Variants in MAST4 observed in about 807,000 individuals in gnomAD.
MAST4 encodes microtubule-associated serine/threonine-protein kinase 4.
Under a neutral mutation model 162.7 loss-of-function variants are expected in MAST4, and 89 were observed. That is an observed-to-expected ratio of 0.55 (90% CI 0.46 to 0.65). MAST4 has a LOEUF of 0.65. Among genes scored for constraint, MAST4 ranks in the 30% least tolerant of loss-of-function variants. The probability of loss-of-function intolerance (pLI) is 0.00; values close to 1 mark genes in which losing one functional copy is unlikely to be tolerated. For synonymous variants in MAST4, 1,479 were observed against 1,361.1 expected (o/e 1.09, Z -1.91); for missense variants, 3,153 against 3,374.0 (o/e 0.93, Z 1.62).
intron 3 of MAST4, among the ~76,000 whole-genome samples, chr5:66,839,447 A>T (rs1318308163): frequency 1.3e-5 from 2 of 152,172 alleles, no homozygotes; most frequent in African/African-American, 4.8e-5. Flanking sequence ...TTTCTGTTAG[A>T]ATGGTTTTCC....
rs577583116 is a variant in MAST4, at chr5:67,039,989, A to G, written c.675-14415A>G. On this transcript the variant is annotated intron_variant, in intron 4 of 28. Transcript: ENST00000403625. ...TATATATATATATATATGTGTGTGT[A>G]TATATATATAATATAAACTTATCTC... Among the ~76,000 whole-genome samples the G allele has an allele frequency of 4.6e-3, 694 of 149,584 alleles. 3 individuals are homozygous for G. Among genetic ancestry groups the G allele is most frequent in the Non-Finnish European group, 8.0e-3 (541 of 67,522 alleles).
At chr5:66,663,850 A>G (rs1393915763) in intron 1 of MAST4, among the ~76,000 whole-genome samples, 1 of 152,194 alleles carries the variant, frequency 6.6e-6, no homozygotes, top group African/African-American at 2.4e-5. Flanking sequence ...TCTGGCTACC[A>G]TGTTGAGGAT....
At chr5:66,715,476 C>A (rs10055357) in intron 1 of MAST4, among the ~76,000 whole-genome samples, 2,563 of 127,334 alleles carry the variant, frequency 0.02, 71 homozygotes, top group African/African-American at 0.071. Context: ...ATGAACAAGG[C>A]TTTTACTTTA....
At chr5:67,160,718 A>G in intron 27 of MAST4, 126 bp downstream of exon 27, 1 of 959,516 alleles carries the variant, frequency 1.0e-6, no homozygotes, top group Non-Finnish European at 1.5e-6. Flanking sequence ...GTTATGGTTC[A>G]CATATATGTA....
Position 67,158,803 on chromosome 5 carries a change from C to T in MAST4, c.3649-1653C>T, listed in dbSNP as rs556225337. On this transcript the variant is annotated intron_variant, in intron 26 of 28. Transcript: ENST00000403625. The stretch of plus-strand genomic sequence containing the variant: ...TAATCCCAGTACTTTGGGAGGCCAA[C>T]GCAGGCAGATCGCCTGAGGTCAGGA... 3.9e-5 allele frequency among the ~76,000 whole-genome samples: 6 copies of T among 152,222 alleles called. No individual in the cohort carries two copies. In the South Asian group the frequency reaches 8.3e-4, roughly 21 times the overall value.
intron 1 of MAST4, among the ~76,000 whole-genome samples, chr5:66,756,997 C>T (rs1376018757): frequency 3.9e-5 from 6 of 152,060 alleles, no homozygotes; most frequent in Non-Finnish European, 7.4e-5. Flanking sequence ...TATATATGTG[C>T]GATATGTGAT....
rs57517216 is a variant in MAST4 at position 66,841,657 on chromosome 5, G to A, written c.642+52863G>A. On this transcript the variant is annotated intron_variant, in intron 3 of 28. Coordinates refer to ENST00000403625, the MANE Select transcript of MAST4 (RefSeq NM_001164664.2). ...TCATGAGGGCCCCACCTTCATAACC[G>A]AATTTAATCCTAATTACCTCCCAAA... Among the ~76,000 whole-genome samples, 852 of 152,150 alleles carry A rather than the reference G, an allele frequency of 5.6e-3. 8 individuals carry two copies. The highest frequency in any genetic ancestry group is 0.019 in the African/African-American group (802 of 41,508).
At chr5:66,779,517 A>G (rs1160144516) in intron 2 of MAST4, among the ~76,000 whole-genome samples, 1 of 151,778 alleles carries the variant, frequency 6.6e-6, no homozygotes, top group Non-Finnish European at 1.5e-5. Context: ...TGCCATTAAG[A>G]AGAGTGATTT....
intron 1 of MAST4, among the ~76,000 whole-genome samples, chr5:66,700,783 A>T (rs746039661): frequency 3.9e-4 from 33 of 83,594 alleles, no homozygotes; most frequent in Admixed American, 6.6e-4. Context: ...AAAAAAAATT[A>T]TATATATATA....
intron 18 of MAST4, among the ~76,000 whole-genome samples, chr5:67,135,526 A>G (rs115260190): frequency 0.019 from 2,969 of 152,278 alleles, 106 homozygotes; most frequent in African/African-American, 0.068. Context: ...CATTTTGCAT[A>G]TGAGGGGCCC....
At chr5:66,794,130 A>T (rs1197276662) in intron 3 of MAST4, among the ~76,000 whole-genome samples, 1 of 152,232 alleles carries the variant, frequency 6.6e-6, no homozygotes, top group Non-Finnish European at 1.5e-5. Context: ...TACATTATGT[A>T]GCCTTACTAA....
At chr5:66,630,651 T>G (rs1744736825) in intron 1 of MAST4, among the ~76,000 whole-genome samples, 1 of 152,192 alleles carries the variant, frequency 6.6e-6, no homozygotes, top group Non-Finnish European at 1.5e-5. Context: ...CAAATCTCAT[T>G]AACTGGTTTT....
chr5:66,773,164 A>G (rs1754435978), intron 2 of MAST4, among the ~76,000 whole-genome samples: 1 of 152,232 alleles, frequency 6.6e-6, no homozygotes, highest in African/African-American at 2.4e-5. Flanking sequence ...TCAGTTCCAC[A>G]GGAAAAAGAG....
chr5:66,700,887 T>C (rs1040415173), intron 1 of MAST4, among the ~76,000 whole-genome samples: 2 of 152,012 alleles, frequency 1.3e-5, no homozygotes, highest in African/African-American at 2.4e-5. Flanking sequence ...CTTTTATTTG[T>C]ATAAAATGGA....
chr5:67,167,264 CAAAAAAAAA>C lies in MAST4; in HGVS notation c.*234_*242del, dbSNP rs34486167. 1,138 of 79,496 alleles carry C rather than the reference CAAAAAAAAA, an allele frequency of 0.014. 12 individuals carry two copies. Among genetic ancestry groups the C allele is most frequent in the African/African-American group, 0.047 (1,054 of 22,424 alleles). 4.9% of individuals were successfully genotyped at this position (79,496 alleles called of 1,614,324 possible). A position where few individuals can be genotyped will look rare whatever the true frequency, so the allele number is the denominator to read the frequency against. On this transcript the variant is annotated 3_prime_UTR_variant, in exon 29 of 29. Coordinates refer to ENST00000403625, the MANE Select transcript of MAST4 (RefSeq NM_001164664.2). Reference sequence around the variant, plus strand: ...AAACTGTTACCAGATAGTGTTTGTACAAAAAAAAAAAAAAAAAAAAAAAAAAAAATTACC... The same window carrying C: ...AAACTGTTACCAGATAGTGTTTGTACAAAAAAAAAAAAAAAAAAAATTACC...
Position 67,163,446 on chromosome 5 carries a change from A to G in MAST4, c.4267A>G (p.Ile1423Val). The change falls in exon 29 of 29, where the codon ATC (isoleucine) becomes GTC (valine). Residue 1423 changes from isoleucine (I) to valine (V), a missense_variant. Ile to Val is a conservative substitution (Grantham distance 29). Transcript: ENST00000403625. The surrounding 1 kb of genome is among the most constrained non-coding windows in gnomAD (Gnocchi z 7.0). Reference sequence around the variant, plus strand: ...CAGCAAGATGCACTCCCCGCCCACCATCGTCAGACACATCGTGAGGCCCAA... The same window carrying G: ...CAGCAAGATGCACTCCCCGCCCACCGTCGTCAGACACATCGTGAGGCCCAA... ...FPSKMHSPPT[I>V]VRHIVRPKSA... The G allele has an allele frequency of 2.5e-6, 4 of 1,613,346 alleles. No individual in the cohort carries two copies. The highest frequency in any genetic ancestry group is 3.4e-6 in the Non-Finnish European group (4 of 1,179,854).
At chr5:66,882,156 T>C (rs1761731857) in intron 3 of MAST4, among the ~76,000 whole-genome samples, 1 of 152,214 alleles carries the variant, frequency 6.6e-6, no homozygotes, top group Non-Finnish European at 1.5e-5. Flanking sequence ...TTACCTCACA[T>C]ACCTTTATCT....
At position 67,052,390 on chromosome 5, in the gene MAST4, T is replaced by G. The variant is rs532772817; in HGVS notation, c.675-2014T>G. ...TTTGAATCACATTTTTGAAATCACT[T>G]TTCTACCCCTTTTTGATAGATTTTA... On this transcript the variant is annotated intron_variant, in intron 4 of 28. Transcript: ENST00000403625. 2.4e-3 allele frequency among the ~76,000 whole-genome samples: 361 copies of G among 152,258 alleles called. 1 individual carries two copies. The highest frequency in any genetic ancestry group is 3.4e-3 in the Non-Finnish European group (229 of 67,970).
Position 66,719,905 on chromosome 5 carries a change from A to G in MAST4, c.364-39804A>G, listed in dbSNP as rs945461439. On this transcript the variant is annotated intron_variant, in intron 1 of 28. Transcript: ENST00000403625. The stretch of plus-strand genomic sequence containing the variant: ...GCTCGAGAATTTTCAAGCAGTTGTC[A>G]TAGTCATTGTACCATTACCTCCTTT... Among the ~76,000 whole-genome samples, 13 of 152,156 alleles carry G rather than the reference A, an allele frequency of 8.5e-5. 1 individual carries two copies. The East Asian group carries it at 9.6e-4, about 11-fold the overall frequency.
Sources: gnomAD v4.1 joint callset for allele counts (sites outside exome capture counted in the v4.1 genomes callset) on GRCh38, gnomAD v4.1.1 for gene constraint, Gnocchi (gnomAD v3.1) non-coding constraint, MANE v1.5 for transcripts, NCBI Gene and HGNC (gene_info 2026-07-23, HGNC 2026-07-21) for gene names.